The following XAF1 variants were observed in gnomAD, a reference collection of about 807,000 sequenced individuals.
XAF1 encodes XIAP associated factor 1, also known as XIAP-associated factor 1.
XAF1 carries 32 observed loss-of-function variants against 32.3 expected under a neutral mutation model. That is an observed-to-expected ratio of 0.99 (90% CI 0.75 to 1.33). XAF1 has a LOEUF of 1.33. Ranked by LOEUF, XAF1 falls within the 40% of genes most tolerant of loss-of-function variation. The pLI, the probability that XAF1 is intolerant of heterozygous loss-of-function variation, is 0.00. For synonymous variants in XAF1, 120 were observed against 125.9 expected, an observed-to-expected ratio of 0.95 and a Z score of 0.31; for missense variants, 379 against 366.0, an observed-to-expected ratio of 1.04 and a Z score of -0.29.
At chr17:6,769,879 C>T (rs139405850) in intron 5 of XAF1, among the ~76,000 whole-genome samples, 144 of 152,260 alleles carry the variant, frequency 9.5e-4, no homozygotes, top group African/African-American at 1.6e-3. Flanking sequence ...ACTCAAATAC[C>T]GACCCAAGAA....
At chr17:6,757,988 T>G in intron 1 of XAF1, 101 bp from the exon 2 acceptor site, 5 of 1,529,340 alleles carry the variant, frequency 3.3e-6, no homozygotes, top group Non-Finnish European at 3.6e-6. Context: ...TGTTCAGTGC[T>G]TAAGGCCTCT....
At chr17:6,760,102 C>A (rs1027769077) in intron 3 of XAF1, among the ~76,000 whole-genome samples, 4 of 152,228 alleles carry the variant, frequency 2.6e-5, no homozygotes, top group African/African-American at 9.6e-5. Context: ...GTAATCCCAG[C>A]ACTTTGGGAG....
At chr17:6,759,812 C>T in intron 3 of XAF1, 94 bp downstream of exon 3, 2 of 1,589,278 alleles carry the variant, frequency 1.3e-6, no homozygotes, top group South Asian at 2.2e-5. Context: ...ATAGAGATTT[C>T]CACCTGACCA....
At position 6,760,580 on chromosome 17, in the gene XAF1, G is replaced by T. The variant is rs146752602; in HGVS notation, c.400G>T (p.Glu134Ter). The T allele has an allele frequency of 5.3e-3, 8,567 of 1,610,438 alleles. 32 individuals are homozygous for T. Among genetic ancestry groups the T allele is most frequent in the Non-Finnish European group, 6.6e-3 (7,762 of 1,178,028 alleles). ...CCAGCACAGAGATGTCTGTCGCAGT[G>T]AACAGGCCCAGCTCGGGAAAGGTAA... is the stretch of plus-strand genomic sequence containing the variant. ...LAQHRDVCRS[E>*]QAQLGKGERI... Residue 134 changes from glutamate (E) to a stop codon, truncating the protein, a stop_gained, in exon 4 of 7, where the codon GAA (glutamate) becomes TAA (stop). Coordinates refer to ENST00000361842, the MANE Select transcript of XAF1 (RefSeq NM_017523.5). LOFTEE classifies it high-confidence loss of function.
Position 6,760,531 on chromosome 17 carries a change from G to T in XAF1, c.351G>T (p.Gln117His). ...SRTELCQGCG[Q>H]FIMHRMLAQH... ...CAGAGCTCTGCCAAGGCTGTGGCCAGTTCATCATGCACCGCATGCTCGCCC... is the reference window on the plus strand; with the variant it reads ...CAGAGCTCTGCCAAGGCTGTGGCCATTTCATCATGCACCGCATGCTCGCCC... Residue 117 changes from glutamine (Q) to histidine (H), a missense_variant, in exon 4 of 7, where the codon CAG becomes CAT. By Grantham distance (24) the Gln-to-His change is conservative. Coordinates refer to ENST00000361842, the MANE Select transcript of XAF1 (RefSeq NM_017523.5). 1.2e-6 allele frequency: 2 copies of T among 1,613,784 alleles called. No homozygotes were observed. Among genetic ancestry groups the T allele is most frequent in the Non-Finnish European group, 1.7e-6 (2 of 1,179,982 alleles).
At chr17:6,762,689 G>T (rs1047371354) in intron 5 of XAF1, among the ~76,000 whole-genome samples, 1 of 152,222 alleles carries the variant, frequency 6.6e-6, no homozygotes, top group African/African-American at 2.4e-5. Context: ...GCAGTTACGT[G>T]ATTGACTGAC....
rs1290507414 is a variant in XAF1, at chr17:6,760,584, A to G, written c.404A>G (p.Gln135Arg). The change falls in exon 4 of 7, where the codon CAG becomes CGG. Residue 135 changes from glutamine to arginine, a missense_variant. Gln to Arg is a conservative substitution (Grantham distance 43). Transcript: ENST00000361842. The part of the protein sequence containing the change: ...AQHRDVCRSE[Q>R]AQLGKGERIS... ...CACAGAGATGTCTGTCGCAGTGAAC[A>G]GGCCCAGCTCGGGAAAGGTAAGCAC... 1.2e-6 allele frequency: 2 copies of G among 1,609,764 alleles called. No individual in the cohort carries two copies. Among genetic ancestry groups the G allele is most frequent in the East Asian group, 2.2e-5 (1 of 44,758 alleles).
chr17:6,764,429 CAG>C (rs1389293941), intron 5 of XAF1, among the ~76,000 whole-genome samples: 1 of 152,166 alleles, frequency 6.6e-6, no homozygotes, highest in Non-Finnish European at 1.5e-5. Context: ...TGTCCTGCAA[CAG>C]AGAGAGGTTA....
In XAF1 at chr17:6,774,598, C is replaced by T. The variant is rs1332141141; in HGVS notation, c.*1429C>T. 1 of 152,192 alleles carries T rather than the reference C, an allele frequency of 6.6e-6. No individual in the cohort carries two copies. The highest frequency in any genetic ancestry group is 1.9e-4 in the East Asian group (1 of 5,200). 9.4% of individuals were successfully genotyped at this position (152,192 alleles called of 1,614,324 possible). ...ATGATTAAACAGAATTACCATTTGA[C>T]TCAGCAATCCCATTATTGGTTATAT... On this transcript the variant is annotated 3_prime_UTR_variant, in exon 7 of 7. Coordinates refer to ENST00000361842, the MANE Select transcript of XAF1 (RefSeq NM_017523.5).
At chr17:6,769,773 C>G (rs910280481) in intron 5 of XAF1, among the ~76,000 whole-genome samples, 7 of 152,124 alleles carry the variant, frequency 4.6e-5, no homozygotes, top group Non-Finnish European at 1.0e-4. Context: ...TCAGGGATTC[C>G]CAGACCATGA....
In XAF1 at chr17:6,773,172, T is replaced by C; in HGVS notation, c.*3T>C. On this transcript the variant is annotated 3_prime_UTR_variant, in exon 7 of 7. Coordinates refer to ENST00000361842, the MANE Select transcript of XAF1 (RefSeq NM_017523.5). ...AACAAGTGAGAAATTTCAGCTAGAT[T>C]TGGAAAAGGAAAGGTACTACAAATT... is the stretch of plus-strand genomic sequence containing the variant. 1 of 1,603,242 alleles carries C rather than the reference T, an allele frequency of 6.2e-7. No individual in the cohort carries two copies. Among genetic ancestry groups the C allele is most frequent in the Non-Finnish European group, 8.5e-7 (1 of 1,176,444 alleles).
At chr17:6,760,076 G>A (rs1247505663) in intron 3 of XAF1, among the ~76,000 whole-genome samples, 1 of 152,130 alleles carries the variant, frequency 6.6e-6, no homozygotes, top group Non-Finnish European at 1.5e-5. Flanking sequence ...TCGGCCAGGC[G>A]CAGTGGCACA....
At chr17:6,759,636 G>T (rs775537751) in intron 2 of XAF1, 26 bp from the exon 3 acceptor site, 12 of 1,590,332 alleles carry the variant, frequency 7.5e-6, no homozygotes, top group Non-Finnish European at 1.0e-5. Flanking sequence ...TCTGGTGTGT[G>T]TGTGTGTGTG....
At chr17:6,768,420 G>A (rs1445243535) in intron 5 of XAF1, among the ~76,000 whole-genome samples, 1 of 152,108 alleles carries the variant, frequency 6.6e-6, no homozygotes, top group East Asian at 1.9e-4. Context: ...ACTGTGCCCG[G>A]CTGGATATAC....
At chr17:6,772,619 C>T (rs8066741) in intron 6 of XAF1, among the ~76,000 whole-genome samples, 8,040 of 151,678 alleles carry the variant, frequency 0.053, 285 homozygotes, top group Middle Eastern at 0.14. Context: ...TACAGGCACC[C>T]GCCACCACAC....
intron 5 of XAF1, 47 bp downstream of exon 5, chr17:6,762,287 C>A: frequency 6.7e-7 from 1 of 1,499,952 alleles, no homozygotes; most frequent in Non-Finnish European, 9.0e-7. Flanking sequence ...AGTTCATCCA[C>A]ATTCTGAAAA....
chr17:6,759,685 G>C lies in XAF1; in HGVS notation c.192G>C (p.Gln64His), dbSNP rs748581301. 7.4e-6 allele frequency: 12 copies of C among 1,613,878 alleles called. No homozygotes were observed. In the South Asian group the frequency reaches 1.1e-4, roughly 15 times the overall value. Residue 64 changes from glutamine to histidine, a missense_variant, in exon 3 of 7, where the codon CAG becomes CAC. Physicochemically the swap from Gln to His is conservative, Grantham distance 24. Coordinates refer to ENST00000361842, the MANE Select transcript of XAF1 (RefSeq NM_017523.5). ...AGGTTGGGTGTACGATGTGTCAGCAGAGCATGCAGAAGTCCTCGCTGGAGT... is the reference window on the plus strand; with the variant it reads ...AGGTTGGGTGTACGATGTGTCAGCACAGCATGCAGAAGTCCTCGCTGGAGT... ...HQQVGCTMCQ[Q>H]SMQKSSLEFH...
At chr17:6,763,532 A>T (rs1005036152) in intron 5 of XAF1, among the ~76,000 whole-genome samples, 2 of 151,958 alleles carry the variant, frequency 1.3e-5, no homozygotes, top group Non-Finnish European at 2.9e-5. Context: ...GGGTTTTACC[A>T]TGTTGGCCAG....
intron 5 of XAF1, among the ~76,000 whole-genome samples, chr17:6,763,463 G>A (rs1597732086): frequency 6.6e-6 from 1 of 152,050 alleles, no homozygotes; most frequent in Non-Finnish European, 1.5e-5. Flanking sequence ...GAGTAGCTGG[G>A]GCTACAGGTG....
Sources: allele counts gnomAD v4.1 joint callset (sites outside exome capture counted in the v4.1 genomes callset), GRCh38; gene constraint gnomAD v4.1.1; transcripts MANE v1.5; gene names NCBI Gene and HGNC (gene_info 2026-07-23, HGNC 2026-07-21).